The following TRIM55 variants were observed in gnomAD, a reference collection of about 807,000 sequenced individuals.
The protein encoded by TRIM55 is tripartite motif containing 55.
In TRIM55, 50 loss-of-function variants were observed where a neutral mutation model predicts 60.9. That is an observed-to-expected ratio of 0.82 (90% CI 0.65 to 1.04). The LOEUF is 1.04. Among genes scored for constraint, TRIM55 ranks in the 50% least tolerant of loss-of-function variants. The pLI is 0.00. For missense variants in TRIM55, 681 were observed against 666.9 expected (o/e 1.02, Z -0.23); for synonymous variants, 237 against 238.1 (o/e 1.00, Z 0.04).
At chr8:66,144,258 C>T (rs916632849) in intron 4 of TRIM55, among the ~76,000 whole-genome samples, 21 of 152,242 alleles carry the variant, frequency 1.4e-4, no homozygotes, top group Middle Eastern at 6.8e-3. Context: ...AAACAAATAT[C>T]CCACCCATCA....
intron 4 of TRIM55, among the ~76,000 whole-genome samples, chr8:66,137,515 G>A (rs946792865): frequency 2.0e-5 from 3 of 152,172 alleles, no homozygotes; most frequent in Non-Finnish European, 2.9e-5. Context: ...AAACTTTCCT[G>A]GTGGAAATCC....
At chr8:66,155,185 G>T (rs947399953) in intron 9 of TRIM55, among the ~76,000 whole-genome samples, 1 of 152,192 alleles carries the variant, frequency 6.6e-6, no homozygotes, top group East Asian at 1.9e-4. Flanking sequence ...TCAGGTGATT[G>T]ATTATGAACC....
intron 2 of TRIM55, 143 bp downstream of exon 2, chr8:66,128,619 C>G (rs527708406): frequency 2.4e-6 from 2 of 831,086 alleles, no homozygotes; most frequent in African/African-American, 3.5e-5. Flanking sequence ...TCAGTCCTTC[C>G]CAGTGAGACT....
chr8:66,127,852 C>T (rs747228830), intron 1 of TRIM55, among the ~76,000 whole-genome samples: 1 of 152,040 alleles, frequency 6.6e-6, no homozygotes, highest in Non-Finnish European at 1.5e-5. Flanking sequence ...GAAAAACAAA[C>T]AAACAAAAAA....
chr8:66,155,254 A>G (rs577562702), intron 9 of TRIM55, among the ~76,000 whole-genome samples: 1 of 152,348 alleles, frequency 6.6e-6, no homozygotes, highest in African/African-American at 2.4e-5. Context: ...GTATCTGCCC[A>G]AGAGACTTCA....
At chr8:66,167,961 G>A (rs1439570075) in intron 9 of TRIM55, among the ~76,000 whole-genome samples, 1 of 152,022 alleles carries the variant, frequency 6.6e-6, no homozygotes, top group Non-Finnish European at 1.5e-5. Context: ...TATTGCCCAG[G>A]CTGGCCTCGA....
At chr8:66,169,891 T>G (rs953774944) in intron 9 of TRIM55, among the ~76,000 whole-genome samples, 10 of 152,208 alleles carry the variant, frequency 6.6e-5, no homozygotes, top group African/African-American at 2.4e-4. Flanking sequence ...TTGCCTGAAT[T>G]TTTTTAAAAT....
At chr8:66,169,069 C>T (rs1402025749) in intron 9 of TRIM55, among the ~76,000 whole-genome samples, 7 of 152,092 alleles carry the variant, frequency 4.6e-5, no homozygotes, top group Non-Finnish European at 1.5e-5. Flanking sequence ...CCCTGGGAAA[C>T]TTAGAGACTC....
At chr8:66,150,067 C>G in intron 5 of TRIM55, 150 bp from the exon 6 acceptor site, 1 of 1,014,790 alleles carries the variant, frequency 9.9e-7, no homozygotes, top group South Asian at 1.7e-5. Flanking sequence ...CTGCTTAAAT[C>G]TAATAGGGTT....
In TRIM55 at chr8:66,150,198, CTT is replaced by C. The variant is rs775754774; in HGVS notation, c.838-16_838-15del. The C allele has an allele frequency of 1.9e-6, 3 of 1,611,168 alleles. No homozygotes were observed. Among genetic ancestry groups the C allele is most frequent in the South Asian group, 2.2e-5 (2 of 90,408 alleles). On this transcript the variant is annotated splice_polypyrimidine_tract_variant and intron_variant, in intron 5 of 9. Coordinates refer to ENST00000315962, the MANE Select transcript of TRIM55 (RefSeq NM_184085.2). ...GTGGAAATAATTTAAGTAAGACTAT[CTT>C]TTGTTTGCTTTCACAGAATGCCAAA...
chr8:66,155,754 T>G lies in TRIM55; in HGVS notation c.1524+1420T>G, dbSNP rs373236350. 244 of 1,346,796 alleles carry G rather than the reference T, an allele frequency of 1.8e-4. 8 individuals are homozygous for G. The highest frequency in any genetic ancestry group is 1.5e-3 in the South Asian group (122 of 81,510). The allele number at this position is 1,346,796 out of a possible 1,614,324, so 83.4% of individuals were successfully genotyped here. ...TCCCTTGACTAACATCTCACATAGTTTCTTCCATAATGTTCCTCTTCTATA... is the reference window on the plus strand; with the variant it reads ...TCCCTTGACTAACATCTCACATAGTGTCTTCCATAATGTTCCTCTTCTATA... On this transcript the variant is annotated intron_variant, in intron 9 of 9. Transcript: ENST00000315962.
intron 9 of TRIM55, among the ~76,000 whole-genome samples, chr8:66,173,067 T>G (rs10957368): frequency 0.082 from 12,415 of 152,176 alleles, 844 homozygotes; most frequent in African/African-American, 0.19. Flanking sequence ...GTCAGGATAA[T>G]GTTTATTTTA....
At chr8:66,114,236 A>T in the TRIM55 span, among the ~76,000 whole-genome samples, 1 of 152,188 alleles carries the variant, frequency 6.6e-6, no homozygotes, top group Non-Finnish European at 1.5e-5. Flanking sequence ...TGCGAGAGGT[A>T]GCGGGATCGA....
chr8:66,137,805 C>A (rs960902994), intron 4 of TRIM55, among the ~76,000 whole-genome samples: 1 of 151,430 alleles, frequency 6.6e-6, no homozygotes, highest in Non-Finnish European at 1.5e-5. Flanking sequence ...GATGAGTGGC[C>A]GGTTGTTTAG....
intron 8 of TRIM55, among the ~76,000 whole-genome samples, chr8:66,153,486 T>G (rs1223111041): frequency 2.0e-5 from 3 of 152,140 alleles, no homozygotes; most frequent in African/African-American, 7.2e-5. Flanking sequence ...GAAACAAAAC[T>G]CCAGAGGGGG....
chr8:66,119,744 C>T, the TRIM55 span, among the ~76,000 whole-genome samples: 9,664 of 152,198 alleles, frequency 0.063, 436 homozygotes, highest in African/African-American at 0.11. Flanking sequence ...TTGAATTTGC[C>T]CCCAATATTT....
chr8:66,145,776 G>A (rs1464939656), intron 4 of TRIM55, among the ~76,000 whole-genome samples: 1 of 152,138 alleles, frequency 6.6e-6, no homozygotes, highest in African/African-American at 2.4e-5. Context: ...CAAAGTGCTA[G>A]GATTACAGGT....
intron 9 of TRIM55, among the ~76,000 whole-genome samples, chr8:66,159,486 G>A (rs116848980): frequency 0.042 from 6,390 of 152,306 alleles, 185 homozygotes; most frequent in Non-Finnish European, 0.063. Flanking sequence ...AATAAGTAAA[G>A]CTGCTGTGAA....
intron 4 of TRIM55, among the ~76,000 whole-genome samples, chr8:66,140,288 G>A (rs919255554): frequency 6.6e-6 from 1 of 152,212 alleles, no homozygotes; most frequent in Non-Finnish European, 1.5e-5. Context: ...AAAGTTTAAG[G>A]GCAGCGAATA....
Sources: gnomAD v4.1 joint callset for allele counts (sites outside exome capture counted in the v4.1 genomes callset) on GRCh38, gnomAD v4.1.1 for gene constraint, MANE v1.5 for transcripts, NCBI Gene and HGNC (gene_info 2026-07-23, HGNC 2026-07-21) for gene names.